TRIM31: variants seen among roughly 807,000 people sequenced by gnomAD.
TRIM31 encodes E3 ubiquitin-protein ligase TRIM31.
Under a neutral mutation model 40.6 loss-of-function variants are expected in TRIM31, and 31 were observed. That is an observed-to-expected ratio of 0.76 (90% CI 0.57 to 1.03). The LOEUF (loss-of-function observed/expected upper bound fraction) is 1.03. TRIM31 is among the 50% of genes least tolerant of loss of function. The pLI is 0.00. For missense variants in TRIM31, 455 were observed against 497.5 expected, an observed-to-expected ratio of 0.91 and a Z score of 0.81; for synonymous variants, 164 against 193.9, an observed-to-expected ratio of 0.85 and a Z score of 1.28.
In TRIM31 at chr6:30,103,016, G is replaced by C. The variant is rs1768331015; in HGVS notation, c.*520C>G. 1 of 162,544 alleles carries C rather than the reference G, an allele frequency of 6.2e-6. No individual in the cohort carries two copies. Among genetic ancestry groups the C allele is most frequent in the Non-Finnish European group, 1.4e-5 (1 of 73,810 alleles). 10.1% of individuals were successfully genotyped at this position (162,544 alleles called of 1,614,324 possible). ...GAATGGGGACCTCATTCTATCTACTGATTTATCAAATCTCATTAATTAATT... is the reference window on the plus strand; with the variant it reads ...GAATGGGGACCTCATTCTATCTACTCATTTATCAAATCTCATTAATTAATT... On this transcript the variant is annotated 3_prime_UTR_variant, in exon 9 of 9. Coordinates refer to ENST00000376734, the MANE Select transcript of TRIM31 (RefSeq NM_007028.5).
Position 30,103,138 on chromosome 6 carries a change from C to A in TRIM31, c.*398G>T. On this transcript the variant is annotated 3_prime_UTR_variant, in exon 9 of 9. Transcript: ENST00000376734. ...CTCATGGGGTTTGATGGACTGTGAC[C>A]CAGGCTGGCGTTGCTCCTCTCCGGA... 4.0e-6 allele frequency: 1 copy of A among 251,936 alleles called. No homozygotes were observed. The highest frequency in any genetic ancestry group is 6.9e-5 in the South Asian group (1 of 14,462). The allele number at this position is 251,936 out of a possible 1,614,324, so 15.6% of individuals were successfully genotyped here.
intron 5 of TRIM31, 41 bp from the exon 6 acceptor site, chr6:30,108,209 TGAG>T: frequency 7.0e-7 from 1 of 1,432,090 alleles, no homozygotes; most frequent in Non-Finnish European, 9.8e-7. Flanking sequence ...GATCAGGGGA[TGAG>T]GTGTGGGAGA....
rs371185132 is a variant in TRIM31 at position 30,103,569 on chromosome 6, G to C, written c.1245C>G (p.Ile415Met). 2.5e-6 allele frequency: 4 copies of C among 1,612,576 alleles called. No homozygotes were observed. The African/African-American group carries it at 5.3e-5, about 22-fold the overall frequency. ...HAALSEWLTA[I>M]RAWFCEVPSS ...AAGGAACCTCACAAAACCAAGCCCGGATCGCTGTCAGCCACTCACTCAGTG... is the reference window on the plus strand; with the variant it reads ...AAGGAACCTCACAAAACCAAGCCCGCATCGCTGTCAGCCACTCACTCAGTG... The change falls in exon 9 of 9, where the codon ATC becomes ATG. Residue 415 changes from isoleucine (I) to methionine (M), a missense_variant. Ile to Met is a conservative substitution (Grantham distance 10). Coordinates refer to ENST00000376734, the MANE Select transcript of TRIM31 (RefSeq NM_007028.5).
At chr6:30,105,045 C>T (rs1309651719) in intron 7 of TRIM31, 123 bp downstream of exon 7, 2 of 832,036 alleles carry the variant, frequency 2.4e-6, no homozygotes, top group African/African-American at 3.4e-5. Flanking sequence ...CCTGTTCTCT[C>T]AATTGGCTGA....
chr6:30,106,535 T>G (rs1201532179), intron 6 of TRIM31, among the ~76,000 whole-genome samples: 1 of 152,130 alleles, frequency 6.6e-6, no homozygotes, highest in East Asian at 1.9e-4. Context: ...TTCCTAGGCT[T>G]TAATAGGGCC....
chr6:30,108,116 T>C lies in TRIM31; in HGVS notation c.820A>G (p.Lys274Glu). The C allele has an allele frequency of 6.2e-7, 1 of 1,612,308 alleles. No homozygotes were observed. Among genetic ancestry groups the C allele is most frequent in the Non-Finnish European group, 8.5e-7 (1 of 1,179,336 alleles). Reference sequence around the variant, plus strand: ...CTTGATTTTGCTTCACTGAGTTTTTTCTCCAGTTCCAGAGGAACAGGGGTT... The same window carrying C: ...CTTGATTTTGCTTCACTGAGTTTTTCCTCCAGTTCCAGAGGAACAGGGGTT... ...NPTPVPLELE[K>E]KLSEAKSRHD... The change falls in exon 6 of 9, where the codon AAA (lysine) becomes GAA (glutamate). Residue 274 changes from lysine to glutamate, a missense_variant. Coordinates refer to ENST00000376734, the MANE Select transcript of TRIM31 (RefSeq NM_007028.5).
In TRIM31 at chr6:30,111,716, A is replaced by G; in HGVS notation, c.445T>C (p.Leu149=). Residue 149 remains leucine, a synonymous_variant, in exon 3 of 9, where the codon TTG becomes CTG. Coordinates refer to ENST00000376734, the MANE Select transcript of TRIM31 (RefSeq NM_007028.5). ...ACTGTCTCCTTCTCCTTTTGCTGCA[A>G]GACTTGGATCTGCTCTTGAATCTGC... ...QGQIQEQIQV[L]QQKEKETVQV... is the part of the protein sequence containing the mutation. The G allele has an allele frequency of 6.2e-7, 1 of 1,614,180 alleles. No individual in the cohort carries two copies. The highest frequency in any genetic ancestry group is 8.5e-7 in the Non-Finnish European group (1 of 1,180,032).
At chr6:30,105,523 C>T in intron 6 of TRIM31, 1 of 252,996 alleles carries the variant, frequency 4.0e-6, no homozygotes, top group East Asian at 7.1e-5. Flanking sequence ...TTCTAGTAGT[C>T]ACATTTAAAA....
Position 30,103,216 on chromosome 6 carries a change from G to A in TRIM31, c.*320C>T. On this transcript the variant is annotated 3_prime_UTR_variant, in exon 9 of 9. Transcript: ENST00000376734. ...CGGTAAACAGCTGCTTAAAGAGTGC[G>A]GGGACTGCTGCAGGGACTTCCTTTT... is the stretch of plus-strand genomic sequence containing the variant. 2.1e-6 allele frequency: 1 copy of A among 472,046 alleles called. No homozygotes were observed. Among genetic ancestry groups the A allele is most frequent in the Non-Finnish European group, 3.8e-6 (1 of 260,462 alleles). The allele number at this position is 472,046 out of a possible 1,614,324, so 29.2% of individuals were successfully genotyped here. A position where few individuals can be genotyped will look rare whatever the true frequency, so the allele number is the denominator to read the frequency against.
rs181406164 is a variant in TRIM31, at chr6:30,105,176, A to G, written c.950T>C (p.Met317Thr). The G allele has an allele frequency of 2.2e-5, 36 of 1,612,550 alleles. No individual in the cohort carries two copies. The Admixed American group carries it at 4.3e-4, about 19-fold the overall frequency. The stretch of plus-strand genomic sequence containing the variant: ...CATCATTTCTCACTTACAGCTCTTC[A>G]TGTCATTTTTATTCATGCTTTTGAA... ...RFFKSMNKND[M>T]KSWGLLQKNN... Residue 317 changes from methionine (M) to threonine (T), a missense_variant, in exon 7 of 9, where the codon ATG becomes ACG. Physicochemically the swap from Met to Thr is moderately conservative, Grantham distance 81 (BLOSUM62 -1). Transcript: ENST00000376734.
chr6:30,111,030 CT>C (rs9278578), intron 3 of TRIM31, among the ~76,000 whole-genome samples: 33,842 of 114,054 alleles, frequency 0.3, 3,927 homozygotes, highest in East Asian at 0.37. Context: ...TTCCTTCTGT[CT>C]TTTTTTTTTT....
chr6:30,112,937 C>T lies in TRIM31; in HGVS notation c.-83-49G>A, dbSNP rs374822551. Reference sequence around the variant, plus strand: ...AGAAAGTGGAGGTCAGAGATTCTGCCAATTAGTTAGAAGAGCAGAGAGAGA... The same window carrying T: ...AGAAAGTGGAGGTCAGAGATTCTGCTAATTAGTTAGAAGAGCAGAGAGAGA... On this transcript the variant is annotated intron_variant, in intron 1 of 8. Coordinates refer to ENST00000376734, the MANE Select transcript of TRIM31 (RefSeq NM_007028.5). 1.5e-5 allele frequency: 12 copies of T among 784,042 alleles called. No individual in the cohort carries two copies. The East Asian group carries it at 2.6e-4, about 17-fold the overall frequency. The allele number at this position is 784,042 out of a possible 1,614,324, so 48.6% of individuals were successfully genotyped here.
At chr6:30,103,921 G>T in intron 8 of TRIM31, 132 bp from the exon 9 acceptor site, 2 of 1,449,706 alleles carry the variant, frequency 1.4e-6, no homozygotes, top group Non-Finnish European at 1.9e-6. Context: ...AAGTACACCT[G>T]AACAAGTCGG....
rs928628355 is a variant in TRIM31 at position 30,112,546 on chromosome 6, T to A, written c.260A>T (p.Gln87Leu). The change falls in exon 2 of 9, where the codon CAG becomes CTG. Residue 87 changes from glutamine to leucine, a missense_variant. Transcript: ENST00000376734. ...KIQALQASEVQSKRKEATCPR... is the reference protein window; with the variant it reads ...KIQALQASEVLSKRKEATCPR... ...GCATGTAGCCTCTTTCCTTTTGGAC[T>A]GCACCTCAGAGGCTTGTAGAGCTTG... 3.7e-5 allele frequency: 59 copies of A among 1,613,020 alleles called. 1 individual carries two copies. The highest frequency in any genetic ancestry group is 4.8e-5 in the Non-Finnish European group (57 of 1,180,058).
Position 30,103,809 on chromosome 6 carries a change from G to A in TRIM31, c.1025-20C>T. On this transcript the variant is annotated intron_variant, in intron 8 of 8. Coordinates refer to ENST00000376734, the MANE Select transcript of TRIM31 (RefSeq NM_007028.5). ...TGCCGCCTTTGCGGGAGAAGGAAAG[G>A]AGAAAAGAGGTCAGCGGGAGCACCT... 1 of 1,612,188 alleles carries A rather than the reference G, an allele frequency of 6.2e-7. No homozygotes were observed. The highest frequency in any genetic ancestry group is 8.5e-7 in the Non-Finnish European group (1 of 1,179,704).
At chr6:30,108,801 TGAA>T in intron 5 of TRIM31, 1 of 623,868 alleles carries the variant, frequency 1.6e-6, no homozygotes, top group Non-Finnish European at 2.9e-6. Context: ...GAATCTGTGC[TGAA>T]GAAGGAGGAA....
rs1258319562 is a variant in TRIM31 at position 30,103,779 on chromosome 6, A to C, written c.1035T>G (p.Thr345=). 1 of 1,612,964 alleles carries C rather than the reference A, an allele frequency of 6.2e-7. No individual in the cohort carries two copies. The part of the protein sequence containing the change: ...EPGSSSAGGR[T]TSGPPNHHSS... ...AGTGGTGATTTGGTGGCCCCGATGT[A>C]GTTCTGCCGCCTTTGCGGGAGAAGG... Residue 345 remains threonine (T), a synonymous_variant, in exon 9 of 9, where the codon ACT becomes ACG. Coordinates refer to ENST00000376734, the MANE Select transcript of TRIM31 (RefSeq NM_007028.5).
In TRIM31 at chr6:30,112,596, CA is replaced by C. The variant is rs1260686439; in HGVS notation, c.209del (p.Leu70ArgfsTer61). 6.2e-7 allele frequency: 1 copy of C among 1,613,000 alleles called. No homozygotes were observed. The highest frequency in any genetic ancestry group is 1.3e-5 in the African/African-American group (1 of 74,944). On this transcript the variant is annotated frameshift_variant, in exon 2 of 9. Transcript: ENST00000376734. LOFTEE classifies it high-confidence loss of function. ...VRKNAIRFNS[L>X]LRNLVEKIQA... is the part of the protein sequence containing the mutation. Reference sequence around the variant, plus strand: ...GGATTTTCTCCACCAGATTCCGCAACAGCGAGTTGAACCTGATTGCGTTCTT... The same window carrying C: ...GGATTTTCTCCACCAGATTCCGCAACGCGAGTTGAACCTGATTGCGTTCTT...
intron 4 of TRIM31, among the ~76,000 whole-genome samples, chr6:30,110,006 C>A (rs1769127420): frequency 8.3e-6 from 1 of 119,842 alleles, no homozygotes; most frequent in Non-Finnish European, 1.7e-5. Flanking sequence ...AAAATATACA[C>A]ACAATTTCAA....
Sources: gnomAD v4.1 joint callset for allele counts (sites outside exome capture counted in the v4.1 genomes callset) on GRCh38, gnomAD v4.1.1 for gene constraint, MANE v1.5 for transcripts, NCBI Gene and HGNC (gene_info 2026-07-23, HGNC 2026-07-21) for gene names.